Variants in SOX6 observed in about 807,000 individuals in gnomAD.
The protein encoded by SOX6 is SRY-box transcription factor 6, also known as transcription factor SOX-6.
SOX6 carries 11 observed loss-of-function variants against 97.8 expected under a neutral mutation model. The observed-to-expected ratio is 0.11, with a 90% CI of 0.07 to 0.19. SOX6 has a LOEUF of 0.19. Among genes scored for constraint, SOX6 ranks in the 10% least tolerant of loss-of-function variants. The pLI, the probability that SOX6 is intolerant of heterozygous loss-of-function variation, is 1.00. For synonymous variants in SOX6, 360 were observed against 371.4 expected (o/e 0.97, Z 0.35); for missense variants, 810 against 1,039.5 (o/e 0.78, Z 3.04).
chr11:16,303,709 G>T (rs1855334703), intron 3 of SOX6, among the ~76,000 whole-genome samples: 1 of 152,024 alleles, frequency 6.6e-6, no homozygotes, highest in African/African-American at 2.4e-5. Context: ...ACTATTTGGG[G>T]GAAAACTGTC....
chr11:16,236,896 T>G (rs1853041149), intron 3 of SOX6, among the ~76,000 whole-genome samples: 1 of 152,006 alleles, frequency 6.6e-6, no homozygotes, highest in African/African-American at 2.4e-5. Context: ...GGCTAATAAC[T>G]TCAAAGCGTT....
At chr11:16,171,771 A>T (rs1218078783) in intron 6 of SOX6, among the ~76,000 whole-genome samples, 1 of 151,934 alleles carries the variant, frequency 6.6e-6, no homozygotes, top group Non-Finnish European at 1.5e-5. Flanking sequence ...GAAAGATATT[A>T]GAATTTTAGT....
chr11:16,405,631 AAC>A (rs1457921313), intron 1 of SOX6, among the ~76,000 whole-genome samples: 3 of 152,188 alleles, frequency 2.0e-5, no homozygotes, highest in East Asian at 1.9e-4. Context: ...TAGAAAAGGC[AAC>A]AGTCATTTGA....
intron 3 of SOX6, among the ~76,000 whole-genome samples, chr11:16,644,288 C>T (rs1848975051): frequency 6.6e-6 from 1 of 152,176 alleles, no homozygotes; most frequent in Non-Finnish European, 1.5e-5. Flanking sequence ...TATCCGCCTG[C>T]CTCAGCCTCT....
chr11:16,390,215 T>C (rs928857002), intron 1 of SOX6, among the ~76,000 whole-genome samples: 2 of 144,990 alleles, frequency 1.4e-5, no homozygotes, highest in African/African-American at 2.8e-5. Flanking sequence ...CTCTTAGCAG[T>C]TGTGGTTGCC....
chr11:16,333,851 GA>G (rs1856382840), intron 2 of SOX6, among the ~76,000 whole-genome samples: 1 of 152,142 alleles, frequency 6.6e-6, no homozygotes, highest in Admixed American at 6.5e-5. Context: ...TAGTTGACAG[GA>G]AAAGTCAAAC....
intron 9 of SOX6, among the ~76,000 whole-genome samples, chr11:16,087,724 T>C (rs1057104637): frequency 6.6e-6 from 1 of 152,168 alleles, no homozygotes; most frequent in Non-Finnish European, 1.5e-5. Context: ...TCTGCTAAGA[T>C]GAGTAAGATT....
At position 16,559,921 on chromosome 11, in the gene SOX6, G is replaced by T. The variant is rs574914711; in HGVS notation, n.609+52160C>A. ...AAATATTCAAATGCATTTCTACAAG[G>T]CCTATTTTAATTAAACCAAATGTTT... is the stretch of plus-strand genomic sequence containing the variant. On this transcript the variant is annotated intron_variant and non_coding_transcript_variant, in intron 4 of 5. Transcript: ENST00000524520. Among the ~76,000 whole-genome samples, 7 of 152,018 alleles carry T rather than the reference G, an allele frequency of 4.6e-5. No homozygotes were observed. The South Asian group carries it at 1.5e-3, about 32-fold the overall frequency.
intron 4 of SOX6, among the ~76,000 whole-genome samples, chr11:16,214,609 A>G (rs950928864): frequency 1.3e-5 from 2 of 152,056 alleles, no homozygotes; most frequent in African/African-American, 2.4e-5. Flanking sequence ...TCTAAACTCT[A>G]TTTCTCTATA....
chr11:16,634,412 AGAG>A (rs1248664181), intron 3 of SOX6, among the ~76,000 whole-genome samples: 3 of 152,166 alleles, frequency 2.0e-5, no homozygotes, highest in Non-Finnish European at 4.4e-5. Context: ...AGTCTCAGAA[AGAG>A]GAGAAAGAGA....
chr11:16,076,215 A>G (rs538183801), intron 9 of SOX6, among the ~76,000 whole-genome samples: 15 of 152,320 alleles, frequency 9.8e-5, no homozygotes, highest in Admixed American at 3.3e-4. Context: ...AGATTTAATG[A>G]CGAAGATACC....
At chr11:16,516,353 T>G (rs1164466525) in intron 4 of SOX6, among the ~76,000 whole-genome samples, 2 of 152,218 alleles carry the variant, frequency 1.3e-5, no homozygotes, top group Non-Finnish European at 2.9e-5. Context: ...TCTGTTTGTC[T>G]GTTGTTGGTG....
chr11:16,195,906 A>G (rs558244552), intron 4 of SOX6, among the ~76,000 whole-genome samples: 2 of 152,272 alleles, frequency 1.3e-5, no homozygotes, highest in South Asian at 4.1e-4. Flanking sequence ...GTCAGGTTCT[A>G]GCCAAGAGAA....
chr11:16,576,565 T>C (rs1476546811), intron 4 of SOX6, among the ~76,000 whole-genome samples: 1 of 152,212 alleles, frequency 6.6e-6, no homozygotes, highest in Non-Finnish European at 1.5e-5. Flanking sequence ...AACATTATTC[T>C]TTTAGAGATT....
At chr11:16,046,784 G>C in intron 11 of SOX6, 83 bp from the exon 12 acceptor site, 1 of 1,376,936 alleles carries the variant, frequency 7.3e-7, no homozygotes, top group South Asian at 1.2e-5. Context: ...CCTGTAGAAA[G>C]CTGCATTCTC....
chr11:16,443,465 A>G lies in SOX6; in HGVS notation c.-5+32850T>C, dbSNP rs1429356617. Reference sequence around the variant, plus strand: ...ATAATATTTATTTAGCACCTGTTGTAAACCAACCACAGTGCTAGGTCCTTG... The same window carrying G: ...ATAATATTTATTTAGCACCTGTTGTGAACCAACCACAGTGCTAGGTCCTTG... On this transcript the variant is annotated intron_variant, in intron 1 of 15. Transcript: ENST00000396356. 2.6e-5 allele frequency among the ~76,000 whole-genome samples: 4 copies of G among 152,206 alleles called. No homozygotes were observed. In the East Asian group the frequency reaches 7.7e-4, roughly 29 times the overall value.
chr11:16,454,872 A>C lies in SOX6; in HGVS notation c.-5+21443T>G, dbSNP rs888171444. On this transcript the variant is annotated intron_variant, in intron 1 of 15. Transcript: ENST00000396356. ...TAAAACATACTTCTAATTCCTTTCT[A>C]CTTATTTATAGACCTTATGCATGAT... 3.9e-5 allele frequency among the ~76,000 whole-genome samples: 6 copies of C among 152,084 alleles called. No individual in the cohort carries two copies. The South Asian group carries it at 1.2e-3, about 31-fold the overall frequency.
At chr11:16,137,772 G>A (rs1009668018) in intron 6 of SOX6, among the ~76,000 whole-genome samples, 34 of 152,182 alleles carry the variant, frequency 2.2e-4, no homozygotes, top group Non-Finnish European at 4.1e-4. Context: ...ACCAGGTGGA[G>A]ATAATTGAAT....
chr11:15,976,148 C>G (rs1853477008), intron 15 of SOX6, among the ~76,000 whole-genome samples: 1 of 152,148 alleles, frequency 6.6e-6, no homozygotes, highest in Non-Finnish European at 1.5e-5. Context: ...CTCACATTCA[C>G]ATACAACTGT....
Sources: allele counts gnomAD v4.1 joint callset (sites outside exome capture counted in the v4.1 genomes callset), GRCh38; gene constraint gnomAD v4.1.1; transcripts MANE v1.5; gene names NCBI Gene and HGNC (gene_info 2026-07-23, HGNC 2026-07-21).